Variants in PRPF19 observed in about 807,000 individuals in gnomAD.
PRPF19 encodes pre-mRNA-processing factor 19.
In PRPF19, 2 loss-of-function variants were observed where a neutral mutation model predicts 64.2. The ratio of observed to expected loss-of-function variants is 0.03; its 90% CI spans 0.01 to 0.10. PRPF19 has a LOEUF of 0.10. PRPF19 is among the 10% of genes least tolerant of loss of function. The pLI is 1.00. For synonymous variants in PRPF19, 226 were observed against 251.6 expected (o/e 0.90, Z 0.96); for missense variants, 314 against 650.0 (o/e 0.48, Z 5.62).
chr11:60,892,758 G>A (rs1276941455), intron 15 of PRPF19, among the ~76,000 whole-genome samples: 1 of 152,154 alleles, frequency 6.6e-6, no homozygotes, highest in Non-Finnish European at 1.5e-5. Context: ...CATCTGAAAG[G>A]AACATCATGA....
chr11:60,901,851 C>A (rs150161818), intron 6 of PRPF19, among the ~76,000 whole-genome samples: 1 of 152,138 alleles, frequency 6.6e-6, no homozygotes, highest in South Asian at 2.1e-4. Context: ...TAGGTCTACA[C>A]GCCACTAAGC....
intron 3 of PRPF19, 142 bp from the exon 4 acceptor site, chr11:60,903,023 C>A: frequency 1.4e-6 from 2 of 1,383,138 alleles, no homozygotes; most frequent in Non-Finnish European, 1.9e-6. Flanking sequence ...CGAGCAAACA[C>A]GAATGTGCCG....
chr11:60,897,879 A>C lies in PRPF19; in HGVS notation c.1384T>G (p.Cys462Gly). The change falls in exon 15 of 16, where the codon TGC (cysteine) becomes GGC (glycine). Residue 462 changes from cysteine (C) to glycine (G), a missense_variant. Cys to Gly is a radical substitution (Grantham distance 159). This residue lies in a region of PRPF19 where 47 missense variants were observed against 94.5 expected (regional missense o/e 0.50). Coordinates refer to ENST00000227524, the MANE Select transcript of PRPF19 (RefSeq NM_014502.5). ...TGAAGAATCTCCGTCCATTGTTTGCAGATGTAGATCTGGACATCCGTGCCC... is the reference window on the plus strand; with the variant it reads ...TGAAGAATCTCCGTCCATTGTTTGCCGATGTAGATCTGGACATCCGTGCCC... ...LGGTDVQIYICKQWTEILHFT... is the reference protein window; with the variant it reads ...LGGTDVQIYIGKQWTEILHFT... The C allele has an allele frequency of 1.2e-6, 2 of 1,614,254 alleles. No individual in the cohort carries two copies. Among genetic ancestry groups the C allele is most frequent in the Non-Finnish European group, 1.7e-6 (2 of 1,180,042 alleles).
Position 60,902,371 on chromosome 11 carries a change from C to A in PRPF19, c.525+32G>T, listed in dbSNP as rs369257421. 7.4e-5 allele frequency: 118 copies of A among 1,600,618 alleles called. No individual in the cohort carries two copies. The African/African-American group carries it at 1.5e-3, about 20-fold the overall frequency. Reference sequence around the variant, plus strand: ...CAGATGGTGAAAAGTAAGGGCCCATCAGCACTCCCACCAGGTGAGAGCAGG... The same window carrying A: ...CAGATGGTGAAAAGTAAGGGCCCATAAGCACTCCCACCAGGTGAGAGCAGG... On this transcript the variant is annotated intron_variant, in intron 6 of 15. Coordinates refer to ENST00000227524, the MANE Select transcript of PRPF19 (RefSeq NM_014502.5). This position sits in a 1 kb window ranked among gnomAD's most constrained non-coding sequence, Gnocchi z 5.0.
At chr11:60,906,270 T>G (rs1485702265) in intron 1 of PRPF19, 94 bp downstream of exon 1, 4 of 1,481,598 alleles carry the variant, frequency 2.7e-6, no homozygotes, top group Non-Finnish European at 3.6e-6. Context: ...CATTCCCGCC[T>G]CCACCCCGGC....
At chr11:60,897,007 T>C (rs1368706086) in intron 15 of PRPF19, among the ~76,000 whole-genome samples, 1 of 152,226 alleles carries the variant, frequency 6.6e-6, no homozygotes, top group African/African-American at 2.4e-5. Flanking sequence ...AAGTTTTTTA[T>C]GAATTTAGTA....
Position 60,901,288 on chromosome 11 carries a change from C to T in PRPF19, c.642+7G>A. The T allele has an allele frequency of 1.2e-6, 2 of 1,613,772 alleles. No individual in the cohort carries two copies. Among genetic ancestry groups the T allele is most frequent in the Non-Finnish European group, 1.7e-6 (2 of 1,179,962 alleles). On this transcript the variant is annotated splice_region_variant and intron_variant, in intron 8 of 15. Transcript: ENST00000227524. Reference sequence around the variant, plus strand: ...GTCTCCAAGACAGTGGAGACCCAGACACTCACCACGTGGGATGCCACCTGC... The same window carrying T: ...GTCTCCAAGACAGTGGAGACCCAGATACTCACCACGTGGGATGCCACCTGC...
In PRPF19 at chr11:60,898,237, G is replaced by A. The variant is rs1017944175; in HGVS notation, c.1175C>T (p.Ser392Leu). ...GAAGGCGATGCTAGTGATGGGGCCC[G>A]AGTGGCCAGGGAAGTTGGCCACATT... Reference protein sequence around the residue: ...RTNVANFPGHSGPITSIAFSE... With the variant: ...RTNVANFPGHLGPITSIAFSE... The change falls in exon 14 of 16, where the codon TCG (serine) becomes TTG (leucine). Residue 392 changes from serine to leucine, a missense_variant. This residue lies in a region of PRPF19 where 175 missense variants were observed against 342.9 expected (regional missense o/e 0.51). Coordinates refer to ENST00000227524, the MANE Select transcript of PRPF19 (RefSeq NM_014502.5). The surrounding 1 kb of genome is among the most constrained non-coding windows in gnomAD (Gnocchi z 4.6). 13 of 1,613,874 alleles carry A rather than the reference G, an allele frequency of 8.1e-6. No individual in the cohort carries two copies. Among genetic ancestry groups the A allele is most frequent in the Admixed American group, 3.3e-5 (2 of 59,996 alleles).
At chr11:60,905,278 G>A (rs1358983205) in intron 1 of PRPF19, 7 of 152,192 alleles carry the variant, frequency 4.6e-5, no homozygotes, top group Admixed American at 3.9e-4. Flanking sequence ...TCTAACAAAT[G>A]AGTGAACCAT....
intron 15 of PRPF19, among the ~76,000 whole-genome samples, chr11:60,893,331 A>G (rs566478347): frequency 1.3e-5 from 2 of 151,846 alleles, no homozygotes; most frequent in Non-Finnish European, 2.9e-5. Flanking sequence ...CTCTACTACA[A>G]ATACAAGTAC....
chr11:60,901,439 A>G (rs1028632984), intron 7 of PRPF19, 60 bp downstream of exon 7: 1 of 1,613,690 alleles, frequency 6.2e-7, no homozygotes, highest in African/African-American at 1.3e-5. Flanking sequence ...CTCTCTCCTA[A>G]GGAGTCAACC....
Position 60,898,246 on chromosome 11 carries a change from G to T in PRPF19, c.1166C>A (p.Pro389His). ...GCTAGTGATGGGGCCCGAGTGGCCAGGGAAGTTGGCCACATTAGTACGTTC... is the reference window on the plus strand; with the variant it reads ...GCTAGTGATGGGGCCCGAGTGGCCATGGAAGTTGGCCACATTAGTACGTTC... Reference protein sequence around the residue: ...LKERTNVANFPGHSGPITSIA... With the variant: ...LKERTNVANFHGHSGPITSIA... Residue 389 changes from proline (P) to histidine (H), a missense_variant, in exon 14 of 16, where the codon CCT becomes CAT. Transcript: ENST00000227524. The surrounding 1 kb of genome is among the most constrained non-coding windows in gnomAD (Gnocchi z 4.6). 1 of 1,613,990 alleles carries T rather than the reference G, an allele frequency of 6.2e-7. No homozygotes were observed. Among genetic ancestry groups the T allele is most frequent in the South Asian group, 1.1e-5 (1 of 91,060 alleles).
At chr11:60,903,409 A>G (rs1309189566) in intron 3 of PRPF19, 50 bp downstream of exon 3, 2 of 1,550,132 alleles carry the variant, frequency 1.3e-6, no homozygotes, top group African/African-American at 2.7e-5. Context: ...TAACCCAGCA[A>G]TGCATTCTCT....
chr11:60,898,443 C>A lies in PRPF19; in HGVS notation c.1140+98G>T. 1 of 1,584,966 alleles carries A rather than the reference C, an allele frequency of 6.3e-7. No homozygotes were observed. The highest frequency in any genetic ancestry group is 8.6e-7 in the Non-Finnish European group (1 of 1,164,162). On this transcript the variant is annotated intron_variant, in intron 13 of 15. Coordinates refer to ENST00000227524, the MANE Select transcript of PRPF19 (RefSeq NM_014502.5). The surrounding 1 kb of genome is among the most constrained non-coding windows in gnomAD (Gnocchi z 4.6). ...CACACGCACAGCCAGTGTCTCTCCA[C>A]CTTCAGGGCCAGGTGCCACAAGCAC...
At chr11:60,893,557 C>T (rs1480424554) in intron 15 of PRPF19, among the ~76,000 whole-genome samples, 1 of 150,942 alleles carries the variant, frequency 6.6e-6, no homozygotes, top group Non-Finnish European at 1.5e-5. Flanking sequence ...GGTTTATGTA[C>T]AGACATATCT....
Position 60,901,228 on chromosome 11 carries a change from T to A in PRPF19, c.642+67A>T, listed in dbSNP as rs553914653. The A allele has an allele frequency of 3.2e-4, 496 of 1,548,838 alleles. 1 individual carries two copies. The highest frequency in any genetic ancestry group is 2.0e-3 in the Middle Eastern group (9 of 4,482). ...GCTCTGCACTCAGCACTCCCCATGC[T>A]GGCCCGCCCACCCCAGAAACAAAAC... On this transcript the variant is annotated intron_variant, in intron 8 of 15. Coordinates refer to ENST00000227524, the MANE Select transcript of PRPF19 (RefSeq NM_014502.5).
At chr11:60,903,346 T>C in intron 3 of PRPF19, 113 bp downstream of exon 3, 3 of 1,134,356 alleles carry the variant, frequency 2.6e-6, no homozygotes, top group Admixed American at 2.5e-5. Flanking sequence ...AAATCCCTGA[T>C]GTCACAAAGT....
chr11:60,905,138 A>C (rs1377784595), intron 1 of PRPF19, among the ~76,000 whole-genome samples: 6 of 152,232 alleles, frequency 3.9e-5, no homozygotes, highest in Non-Finnish European at 8.8e-5. Flanking sequence ...ATTCATCTTC[A>C]CAACAACCCG....
chr11:60,896,753 C>T lies in PRPF19; in HGVS notation c.1417+1093G>A, dbSNP rs1855926520. Among the ~76,000 whole-genome samples the T allele has an allele frequency of 2.6e-5, 4 of 152,150 alleles. No homozygotes were observed. In the South Asian group the frequency reaches 8.3e-4, roughly 32 times the overall value. ...GAACGGACTAATACAGTTGGTGATC[C>T]TGATCCTGTGTAGGCCTAGGGTAAT... On this transcript the variant is annotated intron_variant, in intron 15 of 15. Transcript: ENST00000227524.
Sources: allele counts gnomAD v4.1 joint callset (sites outside exome capture counted in the v4.1 genomes callset), GRCh38; gene constraint gnomAD v4.1.1; regional missense constraint gnomAD v4.1.1; non-coding constraint Gnocchi (gnomAD v3.1); transcripts MANE v1.5; gene names NCBI Gene and HGNC (gene_info 2026-07-23, HGNC 2026-07-21).